The following IFT74 variants were observed in gnomAD, a reference collection of about 807,000 sequenced individuals.
The protein encoded by IFT74 is intraflagellar transport 74, also known as intraflagellar transport protein 74 homolog.
IFT74 carries 92 observed loss-of-function variants against 96.7 expected under a neutral mutation model. The observed-to-expected ratio is 0.95, with a 90% CI of 0.80 to 1.13. The LOEUF (loss-of-function observed/expected upper bound fraction) is 1.13, where lower values mean the gene tolerates loss of function less well. Among genes scored for constraint, IFT74 ranks in the 50% most tolerant of loss-of-function variants. IFT74 has a pLI of 0.00. For missense variants in IFT74, 811 were observed against 698.2 expected, an observed-to-expected ratio of 1.16 and a Z score of -1.82; for synonymous variants, 223 against 213.2, an observed-to-expected ratio of 1.05 and a Z score of -0.40.
At chr9:27,058,434 G>A (rs1163397406) in intron 18 of IFT74, among the ~76,000 whole-genome samples, 2 of 151,584 alleles carry the variant, frequency 1.3e-5, no homozygotes, top group East Asian at 3.9e-4. Flanking sequence ...CACCCAGGCT[G>A]GAGTGCAGTG....
chr9:27,062,604 A>G lies in IFT74; in HGVS notation c.1685-14A>G. The G allele has an allele frequency of 7.3e-7, 1 of 1,371,022 alleles. No homozygotes were observed. Among genetic ancestry groups the G allele is most frequent in the Non-Finnish European group, 1.0e-6 (1 of 969,014 alleles). 84.9% of individuals were successfully genotyped at this position (1,371,022 alleles called of 1,614,324 possible). A position where few individuals can be genotyped will look rare whatever the true frequency, so the allele number is the denominator to read the frequency against. On this transcript the variant is annotated splice_polypyrimidine_tract_variant and intron_variant, in intron 19 of 19. Transcript: ENST00000380062. ...TTTATTGACATTGTTTTCCCCCTTAACTCATGTAATTAGTCATAGCAACCA... is the reference window on the plus strand; with the variant it reads ...TTTATTGACATTGTTTTCCCCCTTAGCTCATGTAATTAGTCATAGCAACCA...
At chr9:26,999,046 T>A (rs374152851) in intron 8 of IFT74, among the ~76,000 whole-genome samples, 2 of 152,322 alleles carry the variant, frequency 1.3e-5, no homozygotes, top group East Asian at 1.9e-4. Flanking sequence ...TTTAACTCTC[T>A]TAAACTCTCT....
chr9:27,011,777 A>G, intron 9 of IFT74, 129 bp from the exon 10 acceptor site: 3 of 447,912 alleles, frequency 6.7e-6, no homozygotes, highest in Non-Finnish European at 7.9e-6. Flanking sequence ...TATTTAGAAA[A>G]TTTACTTAGT....
chr9:27,002,884 T>C (rs1009559476), intron 8 of IFT74, among the ~76,000 whole-genome samples: 2 of 152,100 alleles, frequency 1.3e-5, no homozygotes, highest in African/African-American at 4.8e-5. Flanking sequence ...TTGGTTAGTA[T>C]TGATATTTTA....
At chr9:26,982,382 G>T (rs1232262596) in intron 4 of IFT74, 2 of 442,090 alleles carry the variant, frequency 4.5e-6, no homozygotes, top group African/African-American at 4.1e-5. Context: ...TCTTGCCTCA[G>T]CCTCGTGCCT....
chr9:27,021,673 T>C (rs1394311089), intron 12 of IFT74, among the ~76,000 whole-genome samples: 2 of 152,162 alleles, frequency 1.3e-5, no homozygotes, highest in Non-Finnish European at 2.9e-5. Context: ...TTTCACTTTT[T>C]TATGGGATTT....
chr9:27,018,672 C>T lies in IFT74; in HGVS notation c.959C>T (p.Ala320Val). The T allele has an allele frequency of 1.3e-6, 2 of 1,530,420 alleles. No individual in the cohort carries two copies. Among genetic ancestry groups the T allele is most frequent in the Middle Eastern group, 1.7e-4 (1 of 5,762 alleles). 94.8% of individuals were successfully genotyped at this position (1,530,420 alleles called of 1,614,324 possible). A position where few individuals can be genotyped will look rare whatever the true frequency, so the allele number is the denominator to read the frequency against. The change falls in exon 12 of 20, where the codon GCC becomes GTC. Residue 320 changes from alanine (A) to valine (V), a missense_variant. Physicochemically the swap from Ala to Val is moderately conservative, Grantham distance 64. Transcript: ENST00000380062. The stretch of plus-strand genomic sequence containing the variant: ...ATTAAAGATGATAATCAGGAAATAG[C>T]CAGCATGGAAAGACAGTAAGTATCT... ...KQIKDDNQEI[A>V]SMERQLTDTK...
intron 8 of IFT74, chr9:26,996,523 T>G: frequency 2.2e-6 from 3 of 1,359,806 alleles, no homozygotes; most frequent in Non-Finnish European, 2.9e-6. Flanking sequence ...AAGAATAAGA[T>G]TTAGTATAGA....
Position 27,062,478 on chromosome 9 carries a change from A to G in IFT74, c.1685-140A>G, listed in dbSNP as rs138060656. On this transcript the variant is annotated intron_variant, in intron 19 of 19. Transcript: ENST00000380062. ...TTTAATTGATGCTTAATCTGTTAAAATGATGTACTGTATTTTAAAGTATTC... is the reference window on the plus strand; with the variant it reads ...TTTAATTGATGCTTAATCTGTTAAAGTGATGTACTGTATTTTAAAGTATTC... 2.3e-3 allele frequency: 1,232 copies of G among 544,858 alleles called. 14 individuals are homozygous for G. Among genetic ancestry groups the G allele is most frequent in the African/African-American group, 0.021 (1,075 of 50,344 alleles). The allele number at this position is 544,858 out of a possible 1,614,324, so 33.8% of individuals were successfully genotyped here.
At chr9:27,060,006 T>C (rs964744836) in intron 18 of IFT74, among the ~76,000 whole-genome samples, 2 of 152,196 alleles carry the variant, frequency 1.3e-5, no homozygotes, top group African/African-American at 4.8e-5. Flanking sequence ...AGTAAAATTG[T>C]CTTCTGAGGA....
chr9:26,966,425 G>A (rs907856153), intron 2 of IFT74, among the ~76,000 whole-genome samples: 8 of 152,106 alleles, frequency 5.3e-5, no homozygotes, highest in African/African-American at 1.9e-4. Flanking sequence ...CTGATGATCA[G>A]TGATGTTGAG....
chr9:27,022,018 G>T (rs1260791483), intron 12 of IFT74, among the ~76,000 whole-genome samples: 3 of 152,226 alleles, frequency 2.0e-5, no homozygotes, highest in Non-Finnish European at 4.4e-5. Flanking sequence ...TAAGATGAGA[G>T]ATGAGGATCC....
At chr9:27,060,454 A>T in intron 18 of IFT74, 137 bp from the exon 19 acceptor site, 1 of 430,544 alleles carries the variant, frequency 2.3e-6, no homozygotes, top group African/African-American at 2.0e-5. Context: ...TTTTTTTTCT[A>T]CCGTGGCTTT....
At chr9:26,990,847 C>T (rs1028962060) in intron 8 of IFT74, among the ~76,000 whole-genome samples, 1 of 152,110 alleles carries the variant, frequency 6.6e-6, no homozygotes, top group African/African-American at 2.4e-5. Flanking sequence ...CAGATAAAAT[C>T]CTGAATGATT....
intron 2 of IFT74, among the ~76,000 whole-genome samples, chr9:26,974,554 C>T (rs1827018222): frequency 6.6e-6 from 1 of 152,008 alleles, no homozygotes; most frequent in Non-Finnish European, 1.5e-5. Context: ...TTATCATTTC[C>T]CTTAGATCTT....
chr9:27,051,374 C>T (rs528749822), intron 16 of IFT74, among the ~76,000 whole-genome samples: 2 of 152,130 alleles, frequency 1.3e-5, no homozygotes, highest in East Asian at 3.9e-4. Flanking sequence ...GGAGGAGTTA[C>T]ATTCTTGATA....
At chr9:26,980,692 A>G (rs1176934594) in intron 4 of IFT74, 73 bp downstream of exon 4, 4 of 921,266 alleles carry the variant, frequency 4.3e-6, no homozygotes, top group Admixed American at 2.5e-5. Flanking sequence ...AATAGAGTAT[A>G]TAACTTTAAT....
Position 27,048,209 on chromosome 9 carries a change from A to G in IFT74, c.1268A>G (p.Asp423Gly). 6.2e-7 allele frequency: 1 copy of G among 1,605,706 alleles called. No individual in the cohort carries two copies. The highest frequency in any genetic ancestry group is 1.3e-5 in the African/African-American group (1 of 74,872). Residue 423 changes from aspartate to glycine, a missense_variant, in exon 16 of 20, where the codon GAT becomes GGT. Asp to Gly is a moderately conservative substitution (Grantham distance 94). Coordinates refer to ENST00000380062, the MANE Select transcript of IFT74 (RefSeq NM_025103.4). The part of the protein sequence containing the change: ...ITNQELKMMQ[D>G]DLNFKSTEVQ... Reference sequence around the variant, plus strand: ...AATCAAGAGCTAAAGATGATGCAGGATGACCTCAATTTTAAATCTACTGAA... The same window carrying G: ...AATCAAGAGCTAAAGATGATGCAGGGTGACCTCAATTTTAAATCTACTGAA...
At chr9:26,969,762 T>C (rs924895242) in intron 2 of IFT74, among the ~76,000 whole-genome samples, 1 of 152,116 alleles carries the variant, frequency 6.6e-6, no homozygotes, top group Non-Finnish European at 1.5e-5. Context: ...GAGTTTAATA[T>C]TTTTATGCGT....
Sources: gnomAD v4.1 joint callset for allele counts (sites outside exome capture counted in the v4.1 genomes callset) on GRCh38, gnomAD v4.1.1 for gene constraint, MANE v1.5 for transcripts, NCBI Gene and HGNC (gene_info 2026-07-23, HGNC 2026-07-21) for gene names.